DGKB: variants seen among roughly 807,000 people sequenced by gnomAD.
DGKB encodes the protein 90 kDa diacylglycerol kinase.
A neutral mutation model predicts 114.3 loss-of-function variants in DGKB; 67 were observed. The observed-to-expected ratio is 0.59, with a 90% CI of 0.48 to 0.72. DGKB has a LOEUF of 0.72. Among genes scored for constraint, DGKB ranks in the 30% least tolerant of loss-of-function variants. The pLI is 0.00. For synonymous variants in DGKB, 398 were observed against 323.1 expected, an observed-to-expected ratio of 1.23 and a Z score of -2.49; for missense variants, 907 against 975.2, an observed-to-expected ratio of 0.93 and a Z score of 0.93.
At chr7:14,810,829 G>A (rs1843340260) in intron 2 of DGKB, among the ~76,000 whole-genome samples, 2 of 152,118 alleles carry the variant, frequency 1.3e-5, no homozygotes, top group South Asian at 2.1e-4. Flanking sequence ...GGCTGATTTC[G>A]AACTCCTGGA....
At chr7:14,469,755 A>G (rs1477254344) in intron 21 of DGKB, among the ~76,000 whole-genome samples, 2 of 152,052 alleles carry the variant, frequency 1.3e-5, no homozygotes, top group Non-Finnish European at 1.5e-5. Flanking sequence ...AAATATATGA[A>G]TCGAGGAGCA....
intron 13 of DGKB, among the ~76,000 whole-genome samples, chr7:14,669,342 T>C (rs1250675655): frequency 6.6e-6 from 1 of 152,174 alleles, no homozygotes; most frequent in African/African-American, 2.4e-5. Context: ...ATGATATCTT[T>C]GAACTTCTAT....
intron 18 of DGKB, among the ~76,000 whole-genome samples, chr7:14,582,681 C>G (rs1312658582): frequency 6.6e-6 from 1 of 152,022 alleles, no homozygotes; most frequent in Admixed American, 6.6e-5. Flanking sequence ...TTTTGAGGGT[C>G]CATGTTTTAA....
At chr7:14,341,751 C>T (rs1279599660) in intron 22 of DGKB, among the ~76,000 whole-genome samples, 1 of 151,686 alleles carries the variant, frequency 6.6e-6, no homozygotes, top group Non-Finnish European at 1.5e-5. Context: ...TGGGTCACAC[C>T]GTACAGAGGT....
At chr7:14,787,467 T>A (rs972462872) in intron 2 of DGKB, among the ~76,000 whole-genome samples, 3 of 152,172 alleles carry the variant, frequency 2.0e-5, no homozygotes, top group Non-Finnish European at 4.4e-5. Flanking sequence ...AGCAATATGG[T>A]GAAATTAATT....
At chr7:14,801,925 T>TATACACACACACACAC (rs1554281696) in intron 2 of DGKB, among the ~76,000 whole-genome samples, 3 of 147,958 alleles carry the variant, frequency 2.0e-5, no homozygotes, top group African/African-American at 7.5e-5. Context: ...TATATACATA[T>TATACACACACACACAC]ACACACACAC....
intron 9 of DGKB, among the ~76,000 whole-genome samples, chr7:14,685,813 T>G (rs1821580448): frequency 6.6e-6 from 1 of 152,122 alleles, no homozygotes; most frequent in Admixed American, 6.6e-5. Flanking sequence ...TATACAAAAT[T>G]CATGATGGTG....
intron 23 of DGKB, among the ~76,000 whole-genome samples, chr7:14,265,379 A>G (rs1797358258): frequency 8.0e-6 from 1 of 124,538 alleles, no homozygotes; most frequent in Admixed American, 9.7e-5. Context: ...CTTAACATTA[A>G]CTAGCCATGC....
At chr7:14,396,805 A>G (rs1822286542) in intron 21 of DGKB, among the ~76,000 whole-genome samples, 1 of 152,144 alleles carries the variant, frequency 6.6e-6, no homozygotes, top group African/African-American at 2.4e-5. Context: ...CTATCTACTG[A>G]GTTTATAGAG....
intron 20 of DGKB, among the ~76,000 whole-genome samples, chr7:14,500,728 T>A (rs942863946): frequency 4.0e-5 from 6 of 151,810 alleles, no homozygotes; most frequent in African/African-American, 1.4e-4. Flanking sequence ...AGGTGATTGA[T>A]AGAAGCTCAA....
chr7:14,444,660 TCAGA>T (rs1830501579), intron 21 of DGKB, among the ~76,000 whole-genome samples: 1 of 151,876 alleles, frequency 6.6e-6, no homozygotes, highest in South Asian at 2.1e-4. Flanking sequence ...TTGATATCAG[TCAGA>T]CATTTTTATC....
At chr7:14,474,636 T>C (rs1165870338) in intron 21 of DGKB, among the ~76,000 whole-genome samples, 2 of 152,052 alleles carry the variant, frequency 1.3e-5, no homozygotes, top group Non-Finnish European at 2.9e-5. Flanking sequence ...TAATAAATAA[T>C]TATTAATATC....
chr7:14,819,158 A>G (rs1349393362), intron 2 of DGKB, among the ~76,000 whole-genome samples: 1 of 151,994 alleles, frequency 6.6e-6, no homozygotes, highest in African/African-American at 2.4e-5. Context: ...TCTTCCATTC[A>G]TCTAATACAT....
chr7:14,536,587 T>A (rs61175723), intron 20 of DGKB, among the ~76,000 whole-genome samples: 1 of 152,124 alleles, frequency 6.6e-6, no homozygotes, highest in South Asian at 2.1e-4. Flanking sequence ...TCAAAAGATG[T>A]TGGAAAAGCA....
At chr7:14,613,522 T>C (rs990649467) in intron 15 of DGKB, 109 bp from the exon 16 acceptor site, 10 of 659,854 alleles carry the variant, frequency 1.5e-5, no homozygotes, top group Non-Finnish European at 2.7e-5. Context: ...TCAATAATAT[T>C]ACTTTCCACA....
At chr7:14,207,153 C>G (rs1786960560) in intron 23 of DGKB, among the ~76,000 whole-genome samples, 1 of 152,006 alleles carries the variant, frequency 6.6e-6, no homozygotes, top group African/African-American at 2.4e-5. Context: ...TACAGAAGCT[C>G]TCTCCCTCTG....
chr7:14,616,775 G>A (rs974812244), intron 15 of DGKB, among the ~76,000 whole-genome samples: 2 of 151,684 alleles, frequency 1.3e-5, no homozygotes, highest in African/African-American at 4.8e-5. Flanking sequence ...AGAGCCCTGT[G>A]TCTTTTCAAA....
At chr7:14,610,455 A>G (rs147037732) in intron 16 of DGKB, among the ~76,000 whole-genome samples, 8 of 152,138 alleles carry the variant, frequency 5.3e-5, no homozygotes, top group African/African-American at 1.9e-4. Context: ...AGCATAATAT[A>G]CTCATGTAAC....
chr7:14,670,778 C>A (rs190998191), intron 13 of DGKB, among the ~76,000 whole-genome samples: 108 of 152,190 alleles, frequency 7.1e-4, no homozygotes, highest in African/African-American at 2.5e-3. Context: ...CAACCAGGTA[C>A]TAAATAATTT....
Sources: gnomAD v4.1 joint callset for allele counts (sites outside exome capture counted in the v4.1 genomes callset) on GRCh38, gnomAD v4.1.1 for gene constraint, MANE v1.5 for transcripts, NCBI Gene and HGNC (gene_info 2026-07-23, HGNC 2026-07-21) for gene names.